Variants in ADAMTS12 observed in about 807,000 individuals in gnomAD.
ADAMTS12 encodes A disintegrin and metalloproteinase with thrombospondin motifs 12.
Under a neutral mutation model 167.8 loss-of-function variants are expected in ADAMTS12, and 118 were observed. That is an observed-to-expected ratio of 0.70 (90% CI 0.61 to 0.82). The LOEUF (loss-of-function observed/expected upper bound fraction) is 0.82, where lower values mean the gene tolerates loss of function less well. Ranked by LOEUF, ADAMTS12 falls within the 40% of genes least tolerant of loss-of-function variation. ADAMTS12 has a pLI of 0.00. For missense variants in ADAMTS12, 1,916 were observed against 1,998.8 expected, an observed-to-expected ratio of 0.96 and a Z score of 0.79; for synonymous variants, 704 against 716.9, an observed-to-expected ratio of 0.98 and a Z score of 0.29.
intron 5 of ADAMTS12, among the ~76,000 whole-genome samples, chr5:33,676,652 C>T (rs1741916464): frequency 6.7e-6 from 1 of 149,346 alleles, no homozygotes; most frequent in South Asian, 2.1e-4. Flanking sequence ...TGCACTCCAG[C>T]CTGCTTGACA....
chr5:33,615,676 A>C (rs890246017), intron 15 of ADAMTS12, 152 bp downstream of exon 15: 2 of 1,120,888 alleles, frequency 1.8e-6, no homozygotes, highest in Admixed American at 5.2e-5. Flanking sequence ...AAGGATTAAC[A>C]GCACAAACTA....
At chr5:33,789,645 C>T (rs1363343722) in intron 2 of ADAMTS12, among the ~76,000 whole-genome samples, 1 of 152,208 alleles carries the variant, frequency 6.6e-6, no homozygotes, top group Non-Finnish European at 1.5e-5. Flanking sequence ...AATGTGTTAG[C>T]AACATCAGTG....
chr5:33,613,693 TG>T (rs1738842377), intron 16 of ADAMTS12, among the ~76,000 whole-genome samples: 1 of 152,248 alleles, frequency 6.6e-6, no homozygotes, highest in African/African-American at 2.4e-5. Flanking sequence ...TCAATTTTTT[TG>T]TTCTTGTGGC....
chr5:33,872,452 T>C (rs1257340085), intron 2 of ADAMTS12, among the ~76,000 whole-genome samples: 1 of 150,944 alleles, frequency 6.6e-6, no homozygotes, highest in Non-Finnish European at 1.5e-5. Flanking sequence ...GAGGCTGAGG[T>C]AGGAGAATCG....
chr5:33,805,106 T>C (rs1380704179), intron 2 of ADAMTS12, among the ~76,000 whole-genome samples: 1 of 152,164 alleles, frequency 6.6e-6, no homozygotes, highest in East Asian at 1.9e-4. Context: ...CATCAGTTAA[T>C]TTTAATTTAA....
intron 23 of ADAMTS12, among the ~76,000 whole-genome samples, chr5:33,529,843 T>C (rs1744009344): frequency 6.6e-6 from 1 of 152,208 alleles, no homozygotes; most frequent in Non-Finnish European, 1.5e-5. Flanking sequence ...GCCTCTTCTT[T>C]AAGCCTCTTA....
intron 9 of ADAMTS12, among the ~76,000 whole-genome samples, chr5:33,646,285 C>T (rs142468351): frequency 1.3e-5 from 2 of 151,890 alleles, no homozygotes; most frequent in African/African-American, 4.8e-5. Context: ...TAAGGAAACC[C>T]CCTAAAGGCT....
At chr5:33,600,759 C>T (rs983473209) in intron 16 of ADAMTS12, among the ~76,000 whole-genome samples, 3 of 152,076 alleles carry the variant, frequency 2.0e-5, no homozygotes, top group Non-Finnish European at 1.5e-5. Context: ...TACAATCCTC[C>T]CCAAATTAGA....
intron 2 of ADAMTS12, among the ~76,000 whole-genome samples, chr5:33,835,447 G>A (rs1748469819): frequency 6.6e-6 from 1 of 152,152 alleles, no homozygotes; most frequent in African/African-American, 2.4e-5. Flanking sequence ...CTATCAACTT[G>A]GTAGCTTATA....
chr5:33,545,431 A>C (rs1013803429), intron 22 of ADAMTS12, among the ~76,000 whole-genome samples: 1 of 152,246 alleles, frequency 6.6e-6, no homozygotes, highest in Non-Finnish European at 1.5e-5. Context: ...AATTAGTTCA[A>C]CCACTGTGGA....
At chr5:33,884,027 G>A (rs1253886680) in intron 1 of ADAMTS12, among the ~76,000 whole-genome samples, 3 of 152,124 alleles carry the variant, frequency 2.0e-5, no homozygotes, top group South Asian at 4.1e-4. Flanking sequence ...AACAGTGAAG[G>A]GAGTTGGGTC....
Position 33,642,067 on chromosome 5 carries a change from C to T in ADAMTS12, c.1573-112G>A. On this transcript the variant is annotated intron_variant, in intron 10 of 23. Transcript: ENST00000504830. ...TCTCTGCAAGCAAGCCGGCTTTCTA[C>T]AGTCACATATCAGATGTAAAACAAA... 5.4e-6 allele frequency: 6 copies of T among 1,111,046 alleles called. No homozygotes were observed. In the South Asian group the frequency reaches 5.5e-5, roughly 10 times the overall value. 68.8% of individuals were successfully genotyped at this position (1,111,046 alleles called of 1,614,324 possible). A position where few individuals can be genotyped will look rare whatever the true frequency, so the allele number is the denominator to read the frequency against.
intron 3 of ADAMTS12, among the ~76,000 whole-genome samples, chr5:33,712,372 C>T (rs554394106): frequency 2.0e-4 from 30 of 152,196 alleles, no homozygotes; most frequent in African/African-American, 3.6e-4. Context: ...AATGCTCTTT[C>T]GAGGTGGGTT....
At chr5:33,685,671 A>T (rs967405893) in intron 3 of ADAMTS12, among the ~76,000 whole-genome samples, 4 of 152,204 alleles carry the variant, frequency 2.6e-5, no homozygotes, top group African/African-American at 9.6e-5. Flanking sequence ...TCTGAGAAAT[A>T]ATCTAGGATT....
intron 2 of ADAMTS12, among the ~76,000 whole-genome samples, chr5:33,843,001 T>G (rs1272176783): frequency 6.6e-6 from 1 of 152,130 alleles, no homozygotes. Context: ...GCACTCACAG[T>G]CTAAATCCCC....
At chr5:33,772,505 C>T (rs1745782964) in intron 2 of ADAMTS12, among the ~76,000 whole-genome samples, 1 of 152,144 alleles carries the variant, frequency 6.6e-6, no homozygotes, top group African/African-American at 2.4e-5. Flanking sequence ...TGGAAAACAT[C>T]CAGGAGGTCA....
rs1042270320 is a variant in ADAMTS12 at position 33,818,085 on chromosome 5, A to G, written c.489+63034T>C. On this transcript the variant is annotated intron_variant, in intron 2 of 23. Coordinates refer to ENST00000504830, the MANE Select transcript of ADAMTS12 (RefSeq NM_030955.4). ...TGTGGTGAAGCAGTTTAACATATCTATCATCTCACATAGTTACTTTGTTGT... is the reference window on the plus strand; with the variant it reads ...TGTGGTGAAGCAGTTTAACATATCTGTCATCTCACATAGTTACTTTGTTGT... 2.0e-5 allele frequency among the ~76,000 whole-genome samples: 3 copies of G among 152,268 alleles called. No homozygotes were observed. The East Asian group carries it at 5.8e-4, about 29-fold the overall frequency.
At chr5:33,726,204 T>C (rs554741162) in intron 3 of ADAMTS12, among the ~76,000 whole-genome samples, 1 of 152,292 alleles carries the variant, frequency 6.6e-6, no homozygotes, top group East Asian at 1.9e-4. Context: ...AGCAATCTGG[T>C]TGGAAGGGAA....
At chr5:33,733,234 A>C (rs550437995) in intron 3 of ADAMTS12, among the ~76,000 whole-genome samples, 1 of 152,334 alleles carries the variant, frequency 6.6e-6, no homozygotes, top group South Asian at 2.1e-4. Context: ...AGAATAATAC[A>C]GTTACTATTT....
Sources: allele counts gnomAD v4.1 joint callset (sites outside exome capture counted in the v4.1 genomes callset), GRCh38; gene constraint gnomAD v4.1.1; transcripts MANE v1.5; gene names NCBI Gene and HGNC (gene_info 2026-07-23, HGNC 2026-07-21).